The following ZCCHC14 variants were observed in gnomAD, a reference collection of about 807,000 sequenced individuals.
ZCCHC14 encodes zinc finger CCHC-type containing 14, also known as zinc finger CCHC domain-containing protein 14.
In ZCCHC14, 16 loss-of-function variants were observed where a neutral mutation model predicts 85.0. That is an observed-to-expected ratio of 0.19 (90% CI 0.13 to 0.29). ZCCHC14 has a LOEUF of 0.29. Ranked by LOEUF, ZCCHC14 falls within the 10% of genes least tolerant of loss-of-function variation. The probability of loss-of-function intolerance (pLI) is 1.00; values close to 1 mark genes in which losing one functional copy is unlikely to be tolerated. For synonymous variants in ZCCHC14, 775 were observed against 630.7 expected, an observed-to-expected ratio of 1.23 and a Z score of -3.43; for missense variants, 1,303 against 1,443.5, an observed-to-expected ratio of 0.90 and a Z score of 1.58.
chr16:87,449,366 AGAGGGT>A (rs1910587006), intron 2 of ZCCHC14, among the ~76,000 whole-genome samples: 1 of 152,190 alleles, frequency 6.6e-6, no homozygotes, highest in African/African-American at 2.4e-5. Context: ...TGCAGGGAAG[AGAGGGT>A]GAGGGGCACA....
intron 7 of ZCCHC14, 124 bp downstream of exon 7, chr16:87,418,723 C>T: frequency 1.0e-6 from 1 of 998,736 alleles, no homozygotes; most frequent in African/African-American, 1.6e-5. Flanking sequence ...CTCAATTCTT[C>T]TCAATATCAT....
At chr16:87,474,772 G>A (rs1911926586) in intron 1 of ZCCHC14, among the ~76,000 whole-genome samples, 1 of 152,218 alleles carries the variant, frequency 6.6e-6, no homozygotes, top group African/African-American at 2.4e-5. Context: ...AGAAACCCTG[G>A]AAGGGAGAGC....
intron 2 of ZCCHC14, among the ~76,000 whole-genome samples, chr16:87,441,979 T>C (rs967738449): frequency 6.6e-6 from 1 of 152,174 alleles, no homozygotes; most frequent in Middle Eastern, 3.2e-3. Flanking sequence ...CCCATGAAGA[T>C]GGGGATGGTC....
chr16:87,430,693 T>C (rs1419338751), intron 3 of ZCCHC14, among the ~76,000 whole-genome samples: 1 of 152,158 alleles, frequency 6.6e-6, no homozygotes, highest in African/African-American at 2.4e-5. Context: ...GGCTAATTTT[T>C]GTATTTTTAG....
intron 1 of ZCCHC14, among the ~76,000 whole-genome samples, chr16:87,461,505 T>C (rs1047365924): frequency 6.6e-6 from 1 of 152,206 alleles, no homozygotes; most frequent in Admixed American, 6.5e-5. Flanking sequence ...GGAAAGTACA[T>C]GGCACAAGCA....
intron 1 of ZCCHC14, among the ~76,000 whole-genome samples, chr16:87,486,894 C>A (rs1017815833): frequency 6.6e-6 from 1 of 152,174 alleles, no homozygotes; most frequent in African/African-American, 2.4e-5. Context: ...CCATCAGTGA[C>A]AACAGCTGCT....
chr16:87,422,345 C>A (rs760823831), intron 4 of ZCCHC14, among the ~76,000 whole-genome samples: 2 of 152,012 alleles, frequency 1.3e-5, no homozygotes, highest in Admixed American at 6.6e-5. Context: ...GGCGGCAGCA[C>A]CAGGGGTCTG....
chr16:87,421,452 G>A (rs1458019978), intron 4 of ZCCHC14, among the ~76,000 whole-genome samples: 3 of 152,190 alleles, frequency 2.0e-5, no homozygotes, highest in Admixed American at 6.5e-5. Flanking sequence ...GCTGGAGGAG[G>A]TCAGCTCCTG....
At chr16:87,454,116 G>C (rs1051325229) in intron 2 of ZCCHC14, among the ~76,000 whole-genome samples, 1 of 152,166 alleles carries the variant, frequency 6.6e-6, no homozygotes, top group Non-Finnish European at 1.5e-5. Flanking sequence ...ATCTGAGGGA[G>C]AGAGAGAGAA....
Position 87,460,964 on chromosome 16 carries a change from T to C in ZCCHC14, c.571-833A>G, listed in dbSNP as rs549873265. 7.2e-5 allele frequency among the ~76,000 whole-genome samples: 11 copies of C among 152,316 alleles called. No individual in the cohort carries two copies. In the South Asian group the frequency reaches 2.1e-3, roughly 29 times the overall value. On this transcript the variant is annotated intron_variant, in intron 1 of 12. Transcript: ENST00000671377. Reference sequence around the variant, plus strand: ...CAATTCCATTTCTAGGAATTCACCATACCAAGTACTCACACGTGAGAAAAT... The same window carrying C: ...CAATTCCATTTCTAGGAATTCACCACACCAAGTACTCACACGTGAGAAAAT...
At chr16:87,434,256 C>T (rs1197827228) in intron 2 of ZCCHC14, among the ~76,000 whole-genome samples, 1 of 152,184 alleles carries the variant, frequency 6.6e-6, no homozygotes, top group Non-Finnish European at 1.5e-5. Flanking sequence ...ATAAAACAGC[C>T]GCGTATCGAA....
intron 1 of ZCCHC14, among the ~76,000 whole-genome samples, chr16:87,475,802 T>C (rs1911980670): frequency 6.6e-6 from 1 of 151,958 alleles, no homozygotes; most frequent in East Asian, 1.9e-4. Context: ...TGGAGTCCCA[T>C]AAGGAGAGAG....
At chr16:87,428,057 A>G (rs1049198495) in intron 3 of ZCCHC14, among the ~76,000 whole-genome samples, 3 of 152,022 alleles carry the variant, frequency 2.0e-5, no homozygotes, top group Admixed American at 6.6e-5. Flanking sequence ...CTTTATATCA[A>G]AAAGGTTCCA....
rs368892906 is a variant in ZCCHC14, at chr16:87,478,016, C to T, written c.570+13653G>A. On this transcript the variant is annotated intron_variant, in intron 1 of 12. Transcript: ENST00000671377. ...ACCTAGAACCACTGATACGCCCCCA[C>T]GCATCGCTCCTCCCTGTAGCCTGCT... Among the ~76,000 whole-genome samples the T allele has an allele frequency of 1.2e-4, 19 of 152,334 alleles. No homozygotes were observed. In the South Asian group the frequency reaches 3.7e-3, roughly 30 times the overall value.
chr16:87,421,591 C>T (rs1284446670), intron 4 of ZCCHC14, among the ~76,000 whole-genome samples: 2 of 152,106 alleles, frequency 1.3e-5, no homozygotes, highest in African/African-American at 2.4e-5. Context: ...CGCAAACAAG[C>T]AGCAGCGGTC....
In ZCCHC14 at chr16:87,415,380, A is replaced by C; in HGVS notation, c.1384-13T>G. The C allele has an allele frequency of 6.2e-7, 1 of 1,610,874 alleles. No individual in the cohort carries two copies. On this transcript the variant is annotated splice_polypyrimidine_tract_variant and intron_variant, in intron 8 of 12. Coordinates refer to ENST00000671377, the MANE Select transcript of ZCCHC14 (RefSeq NM_015144.3). ...TAAGGCTCAAAAACTTTCACAGAAA[A>C]AACAAATTACAAAGTTACGGAGACA...
chr16:87,410,042 T>C lies in ZCCHC14; in HGVS notation c.*238A>G. On this transcript the variant is annotated 3_prime_UTR_variant, in exon 13 of 13. Transcript: ENST00000671377. ...TGCAACCAAAAGTGGAGGTGGCCGATCTCACCAGCCACAGAGATGCCCACT... is the reference window on the plus strand; with the variant it reads ...TGCAACCAAAAGTGGAGGTGGCCGACCTCACCAGCCACAGAGATGCCCACT... 2.6e-6 allele frequency: 1 copy of C among 390,648 alleles called. No homozygotes were observed. Among genetic ancestry groups the C allele is most frequent in the Non-Finnish European group, 4.6e-6 (1 of 219,436 alleles). The allele number at this position is 390,648 out of a possible 1,614,324, so 24.2% of individuals were successfully genotyped here. A position where few individuals can be genotyped will look rare whatever the true frequency, so the allele number is the denominator to read the frequency against.
At chr16:87,471,879 T>A (rs932058870) in intron 1 of ZCCHC14, 1 of 152,310 alleles carries the variant, frequency 6.6e-6, no homozygotes, top group African/African-American at 2.4e-5. Flanking sequence ...GAGCAACAAC[T>A]CATTTCTGCC....
Position 87,412,448 on chromosome 16 carries a change from G to A in ZCCHC14, c.2273C>T (p.Ala758Val). 6.2e-7 allele frequency: 1 copy of A among 1,613,954 alleles called. No individual in the cohort carries two copies. Reference protein sequence around the residue: ...QPALVVETSTAATGTPSTVLH... With the variant: ...QPALVVETSTVATGTPSTVLH... ...GACTGTGCTGGGCGTCCCCGTGGCGGCCGTGCTGGTCTCCACGACCAGGGC... is the reference window on the plus strand; with the variant it reads ...GACTGTGCTGGGCGTCCCCGTGGCGACCGTGCTGGTCTCCACGACCAGGGC... Residue 758 changes from alanine to valine, a missense_variant, in exon 12 of 13, where the codon GCC becomes GTC. By Grantham distance (64) the Ala-to-Val change is moderately conservative. Coordinates refer to ENST00000671377, the MANE Select transcript of ZCCHC14 (RefSeq NM_015144.3).
Sources: allele counts gnomAD v4.1 joint callset (sites outside exome capture counted in the v4.1 genomes callset), GRCh38; gene constraint gnomAD v4.1.1; transcripts MANE v1.5; gene names NCBI Gene and HGNC (gene_info 2026-07-23, HGNC 2026-07-21).